Variants in INPP5B observed in about 807,000 individuals in gnomAD.
The protein encoded by INPP5B is type II inositol 1,4,5-trisphosphate 5-phosphatase.
A neutral mutation model predicts 118.5 loss-of-function variants in INPP5B; 90 were observed. That is an observed-to-expected ratio of 0.76 (90% CI 0.64 to 0.90). The LOEUF (loss-of-function observed/expected upper bound fraction) is 0.90, where lower values mean the gene tolerates loss of function less well. INPP5B is among the 40% of genes least tolerant of loss of function. The probability of loss-of-function intolerance (pLI) is 0.00; values close to 1 mark genes in which losing one functional copy is unlikely to be tolerated. For synonymous variants in INPP5B, 385 were observed against 418.9 expected (o/e 0.92, Z 0.99); for missense variants, 984 against 1,125.6 (o/e 0.87, Z 1.80).
chr1:37,868,987 AT>A (rs988250722), intron 19 of INPP5B, among the ~76,000 whole-genome samples: 2 of 150,972 alleles, frequency 1.3e-5, no homozygotes, highest in East Asian at 3.9e-4. Flanking sequence ...ATTTTCTTTT[AT>A]TTTTTTTTAT....
intron 7 of INPP5B, among the ~76,000 whole-genome samples, chr1:37,901,817 C>G (rs1161786173): frequency 6.6e-6 from 1 of 152,080 alleles, no homozygotes; most frequent in Admixed American, 6.6e-5. Flanking sequence ...CCCCATAGTT[C>G]CCCCTCTGGC....
rs141357169 is a variant in INPP5B, at chr1:37,878,191, G to T, written c.1674C>A (p.Ile558=). 2 of 1,613,866 alleles carry T rather than the reference G, an allele frequency of 1.2e-6. No individual in the cohort carries two copies. The highest frequency in any genetic ancestry group is 4.5e-5 in the East Asian group (2 of 44,868). ...ACAGGTACCAGCTGCCACCTACCCC[G>T]ATGTCAAACACTGAGCTGACAGGCT... ...DHKPVSSVFD[I]GVRVVNDELY... The change falls in exon 16 of 24, where the codon ATC becomes ATA. Residue 558 remains isoleucine, a synonymous_variant. Transcript: ENST00000373024.
At chr1:37,876,740 G>C (rs1187671416) in intron 16 of INPP5B, among the ~76,000 whole-genome samples, 3 of 150,682 alleles carry the variant, frequency 2.0e-5, no homozygotes, top group African/African-American at 7.3e-5. Flanking sequence ...GCCGGGTGTG[G>C]TGGCGGGCGC....
At position 37,927,727 on chromosome 1, in the gene INPP5B, C is replaced by T. The variant is rs544471030; in HGVS notation, c.532+4186G>A. On this transcript the variant is annotated intron_variant, in intron 7 of 23. Transcript: ENST00000373024. ...AATTTTTTTGTATTTTTAGTAGAGACGGGGTTTCACCATGTTAGCCAGGAT... is the reference window on the plus strand; with the variant it reads ...AATTTTTTTGTATTTTTAGTAGAGATGGGGTTTCACCATGTTAGCCAGGAT... 2.5e-3 allele frequency among the ~76,000 whole-genome samples: 380 copies of T among 151,638 alleles called. 5 individuals carry two copies. Among genetic ancestry groups the T allele is most frequent in the Admixed American group, 1.4e-3 (22 of 15,214 alleles).
rs932487235 is a variant in INPP5B at position 37,903,708 on chromosome 1, C to A, written c.533-12254G>T. The stretch of plus-strand genomic sequence containing the variant: ...TGCCACTGCACTACAGCCTGGGCAA[C>A]AGAGAGAGACTCCGTCTCAAAAAAA... On this transcript the variant is annotated intron_variant, in intron 7 of 23. Transcript: ENST00000373024. Among the ~76,000 whole-genome samples the A allele has an allele frequency of 3.2e-5, 4 of 126,814 alleles. No individual in the cohort carries two copies. The South Asian group carries it at 1.2e-3, about 37-fold the overall frequency. 83.2% of individuals were successfully genotyped at this position (126,814 alleles called of 152,430 possible).
chr1:37,943,902 A>G lies in INPP5B; in HGVS notation c.153-9T>C, dbSNP rs1217112737. On this transcript the variant is annotated splice_polypyrimidine_tract_variant and intron_variant, in intron 3 of 23. Transcript: ENST00000373024. ...GCGTATAGAGGAAGAGACTAAGGGC[A>G]GGAAGCAGAGGTGAGGATGGGGGCC... 4 of 1,606,204 alleles carry G rather than the reference A, an allele frequency of 2.5e-6. No individual in the cohort carries two copies. Among genetic ancestry groups the G allele is most frequent in the African/African-American group, 2.7e-5 (2 of 74,706 alleles).
At position 37,887,273 on chromosome 1, in the gene INPP5B, A is replaced by C. The variant is rs996549609; in HGVS notation, c.1014+78T>G. ...TTAAGACTGGCTTAAGATAAAGGTCATGGAAAAGGTGAAAAATGATCTTGG... is the reference window on the plus strand; with the variant it reads ...TTAAGACTGGCTTAAGATAAAGGTCCTGGAAAAGGTGAAAAATGATCTTGG... On this transcript the variant is annotated intron_variant, in intron 11 of 23. Transcript: ENST00000373024. 42 of 941,072 alleles carry C rather than the reference A, an allele frequency of 4.5e-5. 1 individual carries two copies. In the African/African-American group the frequency reaches 6.6e-4, roughly 15 times the overall value. The allele number at this position is 941,072 out of a possible 1,614,324, so 58.3% of individuals were successfully genotyped here. A position where few individuals can be genotyped will look rare whatever the true frequency, so the allele number is the denominator to read the frequency against.
rs1420241494 is a variant in INPP5B, at chr1:37,868,602, C to G, written c.2200G>C (p.Val734Leu). 2 of 1,610,328 alleles carry G rather than the reference C, an allele frequency of 1.2e-6. No individual in the cohort carries two copies. The highest frequency in any genetic ancestry group is 1.7e-6 in the Non-Finnish European group (2 of 1,176,540). Residue 734 changes from valine to leucine, a missense_variant, in exon 20 of 24, where the codon GTA (valine) becomes CTA (leucine). Physicochemically the swap from Val to Leu is conservative, Grantham distance 32. This residue lies in a region of INPP5B where 634 missense variants were observed against 791.0 expected (regional missense o/e 0.80). Transcript: ENST00000373024. ...ETISELTLMP[V>L]WTGDDGSQLD... ...TGGCTCCCATCATCTCCAGTCCATA[C>G]TGGCATCAGAGTCTGGAAAGCAATC... is the stretch of plus-strand genomic sequence containing the variant.
intron 7 of INPP5B, among the ~76,000 whole-genome samples, chr1:37,921,293 T>C (rs962239507): frequency 6.6e-5 from 10 of 152,162 alleles, no homozygotes; most frequent in African/African-American, 2.4e-4. Flanking sequence ...ATTTTACTCT[T>C]ATGACAAAAA....
chr1:37,926,620 A>T (rs1645240270), intron 7 of INPP5B, among the ~76,000 whole-genome samples: 2 of 152,316 alleles, frequency 1.3e-5, no homozygotes, highest in South Asian at 4.1e-4. Context: ...ATTAAAAAAA[A>T]ACAAAATGTA....
chr1:37,891,691 T>C (rs1333415561), intron 7 of INPP5B, among the ~76,000 whole-genome samples: 2 of 152,116 alleles, frequency 1.3e-5, no homozygotes, highest in Non-Finnish European at 2.9e-5. Flanking sequence ...GGAGAATCGC[T>C]TGAACCCGGG....
intron 7 of INPP5B, among the ~76,000 whole-genome samples, chr1:37,910,762 C>T (rs765250436): frequency 4.6e-5 from 7 of 152,142 alleles, no homozygotes; most frequent in African/African-American, 7.2e-5. Flanking sequence ...AAAAACTACA[C>T]GAGTCTTACA....
At chr1:37,893,238 A>G (rs1403829300) in intron 7 of INPP5B, among the ~76,000 whole-genome samples, 1 of 151,412 alleles carries the variant, frequency 6.6e-6, no homozygotes, top group Non-Finnish European at 1.5e-5. Context: ...ACAAGCCACC[A>G]TGCCCAGCTA....
chr1:37,932,000 A>G lies in INPP5B; in HGVS notation c.445T>C (p.Cys149Arg). ...PEFLWLSRYRCAELELEMPTP... is the reference protein window; with the variant it reads ...PEFLWLSRYRRAELELEMPTP... ...GGCATCTCCAGCTCCAGCTCTGCGCACCTATACCGAGACAGCCACAGGAAT... is the reference window on the plus strand; with the variant it reads ...GGCATCTCCAGCTCCAGCTCTGCGCGCCTATACCGAGACAGCCACAGGAAT... The change falls in exon 7 of 24, where the codon TGC becomes CGC. Residue 149 changes from cysteine (C) to arginine (R), a missense_variant. Physicochemically the swap from Cys to Arg is radical, Grantham distance 180 (BLOSUM62 -3). This residue lies in a region of INPP5B where 350 missense variants were observed against 334.6 expected (regional missense o/e 1.05). Transcript: ENST00000373024. The G allele has an allele frequency of 1.9e-6, 3 of 1,610,360 alleles. No homozygotes were observed. Among genetic ancestry groups the G allele is most frequent in the East Asian group, 2.2e-5 (1 of 44,756 alleles).
In INPP5B at chr1:37,874,010, C is replaced by G; in HGVS notation, c.1934G>C (p.Arg645Thr). The G allele has an allele frequency of 6.3e-7, 1 of 1,580,474 alleles. No individual in the cohort carries two copies. The highest frequency in any genetic ancestry group is 8.7e-7 in the Non-Finnish European group (1 of 1,155,276). The change falls in exon 18 of 24, where the codon AGA becomes ACA. Residue 645 changes from arginine to threonine, a missense_variant. Arg to Thr is a moderately conservative substitution (Grantham distance 71, BLOSUM62 -1). Transcript: ENST00000373024. ...CKQWLNANPSRGFLLPDSDVE... is the reference protein window; with the variant it reads ...CKQWLNANPSTGFLLPDSDVE... ...GGCCTTACCTGGCAGGAGGAAGCCT[C>G]TGCTGGGGTTGGCATTCAGCCACTG...
chr1:37,940,348 G>A (rs1456736544), intron 6 of INPP5B, among the ~76,000 whole-genome samples: 1 of 152,182 alleles, frequency 6.6e-6, no homozygotes, highest in Admixed American at 6.6e-5. Context: ...TTCTAGCTGT[G>A]GGTGGCAGAG....
intron 7 of INPP5B, among the ~76,000 whole-genome samples, chr1:37,911,033 A>C (rs1339166999): frequency 6.6e-6 from 1 of 152,280 alleles, no homozygotes; most frequent in Non-Finnish European, 1.5e-5. Context: ...GCTGAAGTGC[A>C]GGGCTGTGTG....
intron 6 of INPP5B, among the ~76,000 whole-genome samples, chr1:37,935,577 CCTCT>C (rs1215773914): frequency 1.3e-5 from 2 of 151,942 alleles, no homozygotes; most frequent in African/African-American, 4.8e-5. Context: ...ATCAGTTTGA[CCTCT>C]CTATTTTTCA....
chr1:37,880,259 G>A, intron 14 of INPP5B, 65 bp from the exon 15 acceptor site: 3 of 1,171,902 alleles, frequency 2.6e-6, no homozygotes, highest in Non-Finnish European at 3.8e-6. Flanking sequence ...AATTAGTGGA[G>A]AAAAGCATAT....
Sources: gnomAD v4.1 joint callset for allele counts (sites outside exome capture counted in the v4.1 genomes callset) on GRCh38, gnomAD v4.1.1 for gene constraint, gnomAD v4.1.1 regional missense constraint, MANE v1.5 for transcripts, NCBI Gene and HGNC (gene_info 2026-07-23, HGNC 2026-07-21) for gene names.